POFUT4: variants seen among roughly 807,000 people sequenced by gnomAD.
POFUT4 encodes the protein protein O-fucosyltransferase 4, also known as GDP-fucose protein O-fucosyltransferase 4.
chr10:73,778,352 C>T, the POFUT4 span, among the ~76,000 whole-genome samples: 2 of 143,524 alleles, frequency 1.4e-5, no homozygotes, highest in African/African-American at 5.2e-5. Context: ...GAGATCGCAC[C>T]ATTGCACTCC....
chr10:73,773,472 CAG>C, the POFUT4 span: 1 of 1,614,090 alleles, frequency 6.2e-7, no homozygotes, highest in African/African-American at 1.3e-5. Flanking sequence ...TGAGTCTCCT[CAG>C]AAGCTGGCAG....
chr10:73,778,061 G>T, the POFUT4 span, among the ~76,000 whole-genome samples: 1 of 145,246 alleles, frequency 6.9e-6, no homozygotes, highest in South Asian at 2.2e-4. Context: ...ACAGGGTTTT[G>T]CCATGTTGGC....
the POFUT4 span, chr10:73,773,690 A>G: frequency 0.011 from 17,127 of 1,614,242 alleles, 1,515 homozygotes; most frequent in East Asian, 0.23. Context: ...ATGCCGAGAA[A>G]GCCCACGCGG....
chr10:73,774,501 G>C, the POFUT4 span: 1 of 151,990 alleles, frequency 6.6e-6, no homozygotes. Flanking sequence ...ATAATATATT[G>C]ACCAGCCTGG....
At chr10:73,773,024 C>G in the POFUT4 span, 1 of 1,577,650 alleles carries the variant, frequency 6.3e-7, no homozygotes, top group Non-Finnish European at 8.6e-7. Flanking sequence ...CGTGCGCGAG[C>G]TCATGCGCCA....
the POFUT4 span, among the ~76,000 whole-genome samples, chr10:73,778,612 A>C: frequency 6.6e-6 from 1 of 152,084 alleles, no homozygotes; most frequent in African/African-American, 2.4e-5. Flanking sequence ...ATCTATACCT[A>C]TATCTATATA....
the POFUT4 span, chr10:73,775,291 G>A: frequency 1.2e-6 from 1 of 856,726 alleles, no homozygotes; most frequent in Non-Finnish European, 1.8e-6. Context: ...CCACATTTGG[G>A]AGCCAGAAGC....
chr10:73,772,584 G>T, the POFUT4 span: 1 of 1,586,580 alleles, frequency 6.3e-7, no homozygotes, highest in East Asian at 2.3e-5. Flanking sequence ...TGGAGCCCAG[G>T]GCTATTCCCC....
At chr10:73,775,779 A>G in the POFUT4 span, 1 of 1,265,148 alleles carries the variant, frequency 7.9e-7, no homozygotes, top group African/African-American at 1.5e-5. Context: ...CCCTTAATGA[A>G]CACTGTCTTT....
chr10:73,772,632 G>A, the POFUT4 span: 16 of 1,556,628 alleles, frequency 1.0e-5, no homozygotes, highest in Non-Finnish European at 1.3e-5. Context: ...GAGTGTGCGC[G>A]CGGCGCGTGC....
chr10:73,775,818 C>T, the POFUT4 span: 1 of 961,456 alleles, frequency 1.0e-6, no homozygotes, highest in Non-Finnish European at 1.6e-6. Context: ...CCAGTTTTAT[C>T]TATTAAGATT....
the POFUT4 span, chr10:73,773,539 A>T: frequency 6.2e-7 from 1 of 1,614,266 alleles, no homozygotes; most frequent in Non-Finnish European, 8.5e-7. Flanking sequence ...TACCTGGCAT[A>T]CAAGCAACCT....
the POFUT4 span, among the ~76,000 whole-genome samples, chr10:73,778,442 C>G: frequency 4.4e-3 from 625 of 142,994 alleles, 15 homozygotes; most frequent in East Asian, 0.051. Context: ...TGCAGCCAAA[C>G]CCTTCTGTTG....
chr10:73,775,335 C>T, the POFUT4 span: 2 of 1,203,856 alleles, frequency 1.7e-6, no homozygotes, highest in South Asian at 2.6e-5. Context: ...ATTGGGTAGT[C>T]TGTGTGATGT....
chr10:73,778,306 T>C, the POFUT4 span, among the ~76,000 whole-genome samples: 2 of 150,506 alleles, frequency 1.3e-5, no homozygotes, highest in South Asian at 2.1e-4. Flanking sequence ...GGCAGGAGAA[T>C]TGCTTGAACC....
chr10:73,775,354 T>C, the POFUT4 span: 23 of 1,411,054 alleles, frequency 1.6e-5, no homozygotes, highest in Non-Finnish European at 2.9e-6. Context: ...GTCTTTGTGT[T>C]TGTGACTTAC....
At chr10:73,777,601 C>T in the POFUT4 span, among the ~76,000 whole-genome samples, 2 of 150,204 alleles carry the variant, frequency 1.3e-5, no homozygotes. Flanking sequence ...GTTGCCCAGG[C>T]TGGAGTGCAG....
At chr10:73,773,575 T>C in the POFUT4 span, 1 of 1,614,254 alleles carries the variant, frequency 6.2e-7, no homozygotes, top group South Asian at 1.1e-5. Context: ...CAATTTCTTC[T>C]GGATAGTCTG....
chr10:73,775,200 A>G, the POFUT4 span: 5 of 562,998 alleles, frequency 8.9e-6, no homozygotes, highest in East Asian at 2.8e-5. Context: ...ATAATCATCT[A>G]AAGACCCCTG....
Sources: allele counts gnomAD v4.1 joint callset (sites outside exome capture counted in the v4.1 genomes callset), GRCh38; gene constraint gnomAD v4.1.1; transcripts MANE v1.5; gene names NCBI Gene and HGNC (gene_info 2026-07-23, HGNC 2026-07-21).